Variants in DYNC1H1 observed in about 807,000 individuals in gnomAD.
DYNC1H1 encodes cytoplasmic dynein 1 heavy chain 1.
DYNC1H1 carries 51 observed loss-of-function variants against 527.1 expected under a neutral mutation model. The ratio of observed to expected loss-of-function variants is 0.10; its 90% CI spans 0.08 to 0.12. The LOEUF is 0.12. Ranked by LOEUF, DYNC1H1 falls within the 10% of genes least tolerant of loss-of-function variation. The probability of loss-of-function intolerance (pLI) is 1.00; values close to 1 mark genes in which losing one functional copy is unlikely to be tolerated. For synonymous variants in DYNC1H1, 2,189 were observed against 2,278.8 expected (o/e 0.96, Z 1.12); for missense variants, 2,771 against 5,971.8 (o/e 0.46, Z 17.66).
intron 1 of DYNC1H1, among the ~76,000 whole-genome samples, chr14:101,966,264 G>A (rs923143314): frequency 6.6e-6 from 1 of 152,058 alleles, no homozygotes; most frequent in Non-Finnish European, 1.5e-5. Flanking sequence ...AGATTAGCAG[G>A]GTGTAAAAGA....
At chr14:102,032,094 T>C (rs943654850) in intron 51 of DYNC1H1, among the ~76,000 whole-genome samples, 178 bp from the exon 52 acceptor site, 9 of 152,252 alleles carry the variant, frequency 5.9e-5, no homozygotes, top group Admixed American at 3.9e-4. Context: ...GATCAGCTAC[T>C]TACCCTATTC....
chr14:102,017,144 T>A lies in DYNC1H1; in HGVS notation c.7905T>A (p.Phe2635Leu). The A allele has an allele frequency of 6.2e-7, 1 of 1,614,260 alleles. No individual in the cohort carries two copies. Among genetic ancestry groups the A allele is most frequent in the Non-Finnish European group, 8.5e-7 (1 of 1,180,046 alleles). Residue 2635 changes from phenylalanine (F) to leucine (L), a missense_variant, in exon 39 of 78, where the codon TTT (phenylalanine) becomes TTA (leucine). By Grantham distance (22) the Phe-to-Leu change is conservative. Coordinates refer to ENST00000360184, the MANE Select transcript of DYNC1H1 (RefSeq NM_001376.5). The surrounding 1 kb of genome is among the most constrained non-coding windows in gnomAD (Gnocchi z 4.6). The stretch of plus-strand genomic sequence containing the variant: ...CTCCAGAGCTGCTTCTGAAGACTTT[T>A]GATCACTACTGCGAGTACAGGCGCA... ...ATTPELLLKT[F>L]DHYCEYRRTP...
At chr14:101,966,311 CAAAT>C (rs1337506556) in intron 1 of DYNC1H1, among the ~76,000 whole-genome samples, 3 of 151,688 alleles carry the variant, frequency 2.0e-5, no homozygotes, top group Non-Finnish European at 4.4e-5. Context: ...ATGTTCAAGG[CAAAT>C]AAACCATTTG....
At chr14:101,988,967 C>T in intron 10 of DYNC1H1, 115 bp downstream of exon 10, 1 of 1,404,710 alleles carries the variant, frequency 7.1e-7, no homozygotes, top group Non-Finnish European at 9.8e-7. Context: ...GCCACCTTAA[C>T]CAGGTGATGA....
At chr14:101,996,912 T>G (rs759011006) in intron 15 of DYNC1H1, 123 bp from the exon 16 acceptor site, 2 of 1,387,662 alleles carry the variant, frequency 1.4e-6, no homozygotes, top group Non-Finnish European at 2.0e-6. Context: ...CAAGAACCAC[T>G]GTGTCTGGCC....
chr14:102,050,580 C>T lies in DYNC1H1; in HGVS notation c.*17C>T. 6.2e-7 allele frequency: 1 copy of T among 1,614,148 alleles called. No homozygotes were observed. The highest frequency in any genetic ancestry group is 8.5e-7 in the Non-Finnish European group (1 of 1,180,034). ...ACAGAGTAAACTTTTCTAGCTGCCC[C>T]TTTCTGTAATAGTGAAAGTTGGTAT... On this transcript the variant is annotated 3_prime_UTR_variant, in exon 78 of 78. Transcript: ENST00000360184.
chr14:101,974,394 C>T lies in DYNC1H1; in HGVS notation c.257-1318C>T, dbSNP rs1405279765. Among the ~76,000 whole-genome samples the T allele has an allele frequency of 7.9e-5, 12 of 152,288 alleles. No individual in the cohort carries two copies. In the East Asian group the frequency reaches 1.9e-3, roughly 25 times the overall value. Reference sequence around the variant, plus strand: ...GATTGCAGGCATGCGCCATCACGCCCAGCCTTCCCTTTCTATTACATCATG... The same window carrying T: ...GATTGCAGGCATGCGCCATCACGCCTAGCCTTCCCTTTCTATTACATCATG... On this transcript the variant is annotated intron_variant, in intron 1 of 77. Transcript: ENST00000360184.
Position 102,036,447 on chromosome 14 carries a change from C to G in DYNC1H1, c.10755-42C>G. On this transcript the variant is annotated intron_variant, in intron 56 of 77. Transcript: ENST00000360184. The surrounding 1 kb of genome is among the most constrained non-coding windows in gnomAD (Gnocchi z 5.6). ...GCTAACCGTGATCCTGTGCTTTCCC[C>G]ATTCGGTGTTTCAACCTTCTCTTCT... 5 of 1,611,420 alleles carry G rather than the reference C, an allele frequency of 3.1e-6. No individual in the cohort carries two copies. Among genetic ancestry groups the G allele is most frequent in the Non-Finnish European group, 4.2e-6 (5 of 1,179,028 alleles).
At chr14:101,978,337 T>A (rs1643004282) in intron 2 of DYNC1H1, among the ~76,000 whole-genome samples, 1 of 152,186 alleles carries the variant, frequency 6.6e-6, no homozygotes, top group Admixed American at 6.5e-5. Context: ...GTGCCCGGCC[T>A]AATTTTTGTA....
chr14:101,965,085 C>G lies in DYNC1H1; in HGVS notation c.256+138C>G, dbSNP rs1055089081. On this transcript the variant is annotated intron_variant, in intron 1 of 77. Transcript: ENST00000360184. This position sits in a 1 kb window ranked among gnomAD's most constrained non-coding sequence, Gnocchi z 4.1. The stretch of plus-strand genomic sequence containing the variant: ...AGATGACCCCTGGATGGGCAGAGCC[C>G]GGCGGCCGCAGACGTCCCGCCGGCC... 6 of 956,306 alleles carry G rather than the reference C, an allele frequency of 6.3e-6. No individual in the cohort carries two copies. The African/African-American group carries it at 1.0e-4, about 17-fold the overall frequency. The allele number at this position is 956,306 out of a possible 1,614,324, so 59.2% of individuals were successfully genotyped here.
At chr14:101,968,539 G>C (rs1235375327) in intron 1 of DYNC1H1, among the ~76,000 whole-genome samples, 2 of 151,578 alleles carry the variant, frequency 1.3e-5, no homozygotes, top group Non-Finnish European at 2.9e-5. Context: ...CCACGTGTTT[G>C]TTTGTTTAAC....
Position 102,002,491 on chromosome 14 carries a change from A to C in DYNC1H1, c.4543-46A>C. 6.2e-7 allele frequency: 1 copy of C among 1,612,186 alleles called. No homozygotes were observed. Among genetic ancestry groups the C allele is most frequent in the Non-Finnish European group, 8.5e-7 (1 of 1,178,912 alleles). ...TTCAGTGAGTTTTGGCATATCTGTG[A>C]GTAGAAGGGTCAGCAGTTTACCTCT... On this transcript the variant is annotated intron_variant, in intron 21 of 77. Transcript: ENST00000360184. This position sits in a 1 kb window ranked among gnomAD's most constrained non-coding sequence, Gnocchi z 4.4.
At chr14:102,028,833 C>G (rs1429216493) in intron 48 of DYNC1H1, 1 of 161,242 alleles carries the variant, frequency 6.2e-6, no homozygotes, top group African/African-American at 2.4e-5. Flanking sequence ...TAGTCTCGGG[C>G]ACAGCTACTC....
intron 12 of DYNC1H1, 32 bp downstream of exon 12, chr14:101,994,356 A>G (rs370859681): frequency 2.5e-6 from 4 of 1,614,036 alleles, no homozygotes; most frequent in East Asian, 2.2e-5. Context: ...TCAAATGTGC[A>G]TATGGTCTAT....
intron 1 of DYNC1H1, among the ~76,000 whole-genome samples, chr14:101,968,875 C>G (rs530166929): frequency 1.3e-5 from 2 of 152,008 alleles, no homozygotes; most frequent in Non-Finnish European, 2.9e-5. Flanking sequence ...GGATTTAATT[C>G]TAAAGGATGA....
chr14:102,008,470 G>A (rs1298580497), intron 29 of DYNC1H1, 133 bp downstream of exon 29: 1 of 1,258,058 alleles, frequency 7.9e-7, no homozygotes, highest in African/African-American at 1.5e-5. Context: ...AGGCAGTGTA[G>A]TGAGCTGTGG....
At chr14:102,026,920 T>A in intron 44 of DYNC1H1, 1 of 791,850 alleles carries the variant, frequency 1.3e-6, no homozygotes, top group South Asian at 1.6e-5. Context: ...CAGCACTGCA[T>A]ACCTGCCATA....
At chr14:102,014,150 G>A (rs1357269045) in intron 34 of DYNC1H1, among the ~76,000 whole-genome samples, 5 of 152,168 alleles carry the variant, frequency 3.3e-5, no homozygotes, top group African/African-American at 4.8e-5. Context: ...TTACAGCTCC[G>A]AGGTTAAGGC....
chr14:101,970,726 G>A lies in DYNC1H1; in HGVS notation c.257-4986G>A, dbSNP rs182608207. On this transcript the variant is annotated intron_variant, in intron 1 of 77. Transcript: ENST00000360184. Reference sequence around the variant, plus strand: ...TCAAACTCCTGACCTCAGGTGATCCGCCCGCCTCAGCCTCCCAAAGTGCTG... The same window carrying A: ...TCAAACTCCTGACCTCAGGTGATCCACCCGCCTCAGCCTCCCAAAGTGCTG... 5.5e-3 allele frequency among the ~76,000 whole-genome samples: 839 copies of A among 151,998 alleles called. 17 individuals carry two copies. The highest frequency in any genetic ancestry group is 0.037 in the East Asian group (189 of 5,166).
Sources: allele counts gnomAD v4.1 joint callset (sites outside exome capture counted in the v4.1 genomes callset), GRCh38; gene constraint gnomAD v4.1.1; non-coding constraint Gnocchi (gnomAD v3.1); transcripts MANE v1.5; gene names NCBI Gene and HGNC (gene_info 2026-07-23, HGNC 2026-07-21).